The following UBE3B variants were observed in gnomAD, a reference collection of about 807,000 sequenced individuals.
UBE3B encodes the protein ubiquitin protein ligase E3B.
UBE3B carries 80 observed loss-of-function variants against 132.3 expected under a neutral mutation model. The ratio of observed to expected loss-of-function variants is 0.60; its 90% CI spans 0.50 to 0.73. UBE3B has a LOEUF of 0.73. Ranked by LOEUF, UBE3B falls within the 30% of genes least tolerant of loss-of-function variation. The pLI, the probability that UBE3B is intolerant of heterozygous loss-of-function variation, is 0.00. For missense variants in UBE3B, 1,196 were observed against 1,362.5 expected, an observed-to-expected ratio of 0.88 and a Z score of 1.92; for synonymous variants, 487 against 520.4, an observed-to-expected ratio of 0.94 and a Z score of 0.87.
Position 109,516,857 on chromosome 12 carries a change from C to A in UBE3B, c.2049C>A (p.Ile683=). 2 of 1,614,108 alleles carry A rather than the reference C, an allele frequency of 1.2e-6. No individual in the cohort carries two copies. The highest frequency in any genetic ancestry group is 1.7e-6 in the Non-Finnish European group (2 of 1,180,028). Residue 683 remains isoleucine (I), a synonymous_variant, in exon 19 of 28, where the codon ATC becomes ATA. Transcript: ENST00000342494. ...TSSASPHVTH[I]TIRRSRMLED... ...CTGCCTCCCCGCATGTCACTCACAT[C>A]ACCATCCGCCGGTCCAGGATGCTGG...
At chr12:109,513,063 T>C (rs1262824758) in intron 18 of UBE3B, among the ~76,000 whole-genome samples, 1 of 152,242 alleles carries the variant, frequency 6.6e-6, no homozygotes, top group African/African-American at 2.4e-5. Flanking sequence ...CCCGTTTGCA[T>C]GTGGGGCTTG....
chr12:109,481,454 C>T (rs1361983928), intron 1 of UBE3B, among the ~76,000 whole-genome samples, 183 bp from the exon 2 acceptor site: 1 of 152,090 alleles, frequency 6.6e-6, no homozygotes, highest in East Asian at 1.9e-4. Context: ...TCCCTTTAAA[C>T]TGTGAGGATT....
rs1328193921 is a variant in UBE3B at position 109,486,661 on chromosome 12, CAG to C, written c.447+89_447+90del. ...ACCTGTAGACTTTAGTCTGTATTTTCAGAGTCACTATCAACGAGAGTTGCTAG... is the reference window on the plus strand; with the variant it reads ...ACCTGTAGACTTTAGTCTGTATTTTCAGTCACTATCAACGAGAGTTGCTAG... On this transcript the variant is annotated intron_variant, in intron 6 of 27. Coordinates refer to ENST00000342494, the MANE Select transcript of UBE3B (RefSeq NM_130466.4). 3.5e-5 allele frequency: 39 copies of C among 1,101,844 alleles called. 1 individual carries two copies. Among genetic ancestry groups the C allele is most frequent in the Non-Finnish European group, 4.2e-5 (33 of 785,768 alleles). 68.3% of individuals were successfully genotyped at this position (1,101,844 alleles called of 1,614,324 possible). A position where few individuals can be genotyped will look rare whatever the true frequency, so the allele number is the denominator to read the frequency against.
At chr12:109,500,643 G>A (rs906658645) in intron 12 of UBE3B, among the ~76,000 whole-genome samples, 4 of 152,216 alleles carry the variant, frequency 2.6e-5, no homozygotes, top group African/African-American at 9.6e-5. Context: ...GTGAAGGAGA[G>A]CAGCACCTCC....
rs1048141504 is a variant in UBE3B at position 109,535,013 on chromosome 12, G to A, written c.*231G>A. 5.1e-6 allele frequency: 2 copies of A among 391,902 alleles called. No individual in the cohort carries two copies. Among genetic ancestry groups the A allele is most frequent in the Middle Eastern group, 6.4e-4 (1 of 1,564 alleles). The allele number at this position is 391,902 out of a possible 1,614,324, so 24.3% of individuals were successfully genotyped here. A position where few individuals can be genotyped will look rare whatever the true frequency, so the allele number is the denominator to read the frequency against. Reference sequence around the variant, plus strand: ...CAGGGCTGCAGAAAATAAACCTCCAGATTCCACCAACACGGGTCCATTCTT... The same window carrying A: ...CAGGGCTGCAGAAAATAAACCTCCAAATTCCACCAACACGGGTCCATTCTT... On this transcript the variant is annotated 3_prime_UTR_variant, in exon 28 of 28. Coordinates refer to ENST00000342494, the MANE Select transcript of UBE3B (RefSeq NM_130466.4).
In UBE3B at chr12:109,535,055, G is replaced by T; in HGVS notation, c.*273G>T. On this transcript the variant is annotated 3_prime_UTR_variant, in exon 28 of 28. Transcript: ENST00000342494. ...TCCATTCTTCCTGGTGATGGCAGAG[G>T]GGCTTCTTTTAGCTAGTTTGATCTT... 1 of 339,992 alleles carries T rather than the reference G, an allele frequency of 2.9e-6. No homozygotes were observed. Among genetic ancestry groups the T allele is most frequent in the Non-Finnish European group, 5.3e-6 (1 of 189,108 alleles). 21.1% of individuals were successfully genotyped at this position (339,992 alleles called of 1,614,324 possible).
chr12:109,521,318 G>C lies in UBE3B; in HGVS notation c.2247G>C (p.Leu749=), dbSNP rs1428844441. The change falls in exon 20 of 28, where the codon CTG becomes CTC. Residue 749 remains leucine, a synonymous_variant. Coordinates refer to ENST00000342494, the MANE Select transcript of UBE3B (RefSeq NM_130466.4). The surrounding 1 kb of genome is among the most constrained non-coding windows in gnomAD (Gnocchi z 4.2). ...IKRVFDPALN[L]FKTTSGDERL... ...GAGTTTTTGACCCAGCACTCAATCT[G>C]TTCAAGGTATTTAAGGGGAGCAACA... is the stretch of plus-strand genomic sequence containing the variant. 6.2e-7 allele frequency: 1 copy of C among 1,613,934 alleles called. No homozygotes were observed. Among genetic ancestry groups the C allele is most frequent in the Non-Finnish European group, 8.5e-7 (1 of 1,179,796 alleles).
chr12:109,495,255 A>G (rs190392027), intron 9 of UBE3B, among the ~76,000 whole-genome samples: 3 of 152,356 alleles, frequency 2.0e-5, no homozygotes, highest in Admixed American at 2.0e-4. Flanking sequence ...CTGAGAGCCT[A>G]AATACCACTA....
chr12:109,478,494 A>G (rs1040010212), intron 1 of UBE3B, among the ~76,000 whole-genome samples: 1 of 152,162 alleles, frequency 6.6e-6, no homozygotes, highest in African/African-American at 2.4e-5. Context: ...AAATTAGATT[A>G]TTGAGGCTGG....
intron 24 of UBE3B, among the ~76,000 whole-genome samples, chr12:109,528,681 C>T (rs1248994845): frequency 6.6e-6 from 1 of 151,838 alleles, no homozygotes; most frequent in African/African-American, 2.4e-5. Context: ...TGGTGAAACT[C>T]CGTCTCTACT....
At chr12:109,532,396 CT>C (rs1377642656) in intron 26 of UBE3B, among the ~76,000 whole-genome samples, 1 of 152,122 alleles carries the variant, frequency 6.6e-6, no homozygotes, top group African/African-American at 2.4e-5. Context: ...CTTTTTAAAA[CT>C]TTTTTTGATG....
intron 14 of UBE3B, among the ~76,000 whole-genome samples, chr12:109,504,318 C>G (rs1158533310): frequency 6.6e-6 from 1 of 152,230 alleles, no homozygotes; most frequent in Non-Finnish European, 1.5e-5. Flanking sequence ...GCCAAATGCC[C>G]CCTGGGAGGC....
the UBE3B span, among the ~76,000 whole-genome samples, chr12:109,544,833 A>AG: frequency 2.0e-5 from 3 of 152,242 alleles, no homozygotes; most frequent in African/African-American, 7.2e-5. Context: ...GGCTGGGCAC[A>AG]GCGATCTTGG....
In UBE3B at chr12:109,512,225, C is replaced by T. The variant is rs369983686; in HGVS notation, c.1956+922C>T. Among the ~76,000 whole-genome samples, 3 of 152,250 alleles carry T rather than the reference C, an allele frequency of 2.0e-5. No individual in the cohort carries two copies. In the East Asian group the frequency reaches 5.8e-4, roughly 29 times the overall value. On this transcript the variant is annotated intron_variant, in intron 18 of 27. Transcript: ENST00000342494. ...GAGGTAGTCAGGGAATCAGACAGCACCCAAGTCTGCTGACTCCCCCCATAA... is the reference window on the plus strand; with the variant it reads ...GAGGTAGTCAGGGAATCAGACAGCATCCAAGTCTGCTGACTCCCCCCATAA...
chr12:109,501,250 C>A, intron 12 of UBE3B, 121 bp from the exon 13 acceptor site: 1 of 1,197,628 alleles, frequency 8.3e-7, no homozygotes, highest in Non-Finnish European at 1.2e-6. Context: ...TCTTCTTTGC[C>A]ATGTTGAGTG....
At chr12:109,526,833 C>T (rs1380696576) in intron 24 of UBE3B, among the ~76,000 whole-genome samples, 5 of 150,742 alleles carry the variant, frequency 3.3e-5, no homozygotes, top group South Asian at 4.2e-4. Flanking sequence ...ATCGCACCAG[C>T]GCACTCCAGC....
At chr12:109,517,563 T>A (rs756006509) in intron 19 of UBE3B, among the ~76,000 whole-genome samples, 4 of 152,226 alleles carry the variant, frequency 2.6e-5, no homozygotes, top group African/African-American at 9.6e-5. Flanking sequence ...CTACCTACGA[T>A]GTCTGTGTTA....
At chr12:109,504,949 G>T (rs2135951380) in intron 14 of UBE3B, among the ~76,000 whole-genome samples, 1 of 152,012 alleles carries the variant, frequency 6.6e-6, no homozygotes, top group Non-Finnish European at 1.5e-5. Flanking sequence ...GGGATTACAG[G>T]CGCCTGCCAC....
intron 15 of UBE3B, 108 bp downstream of exon 15, chr12:109,507,843 C>G (rs1294023982): frequency 7.6e-7 from 1 of 1,313,966 alleles, no homozygotes; most frequent in Non-Finnish European, 1.1e-6. Flanking sequence ...AACATTTGGA[C>G]CTGTGTGGCA....
Sources: gnomAD v4.1 joint callset for allele counts (sites outside exome capture counted in the v4.1 genomes callset) on GRCh38, gnomAD v4.1.1 for gene constraint, Gnocchi (gnomAD v3.1) non-coding constraint, MANE v1.5 for transcripts, NCBI Gene and HGNC (gene_info 2026-07-23, HGNC 2026-07-21) for gene names.